Variants in DST observed in about 807,000 individuals in gnomAD.
DST encodes the protein bullous pemphigoid antigen.
Under a neutral mutation model 875.2 loss-of-function variants are expected in DST, and 253 were observed. The ratio of observed to expected loss-of-function variants is 0.29; its 90% CI spans 0.26 to 0.32. DST has a LOEUF of 0.32. DST is among the 10% of genes least tolerant of loss of function. The pLI is 1.00. For synonymous variants in DST, 3,124 were observed against 3,197.1 expected (o/e 0.98, Z 0.77); for missense variants, 8,287 against 9,111.6 (o/e 0.91, Z 3.68).
At chr6:56,947,133 G>A (rs1277740034) in intron 2 of DST, among the ~76,000 whole-genome samples, 1 of 151,942 alleles carries the variant, frequency 6.6e-6, no homozygotes, top group African/African-American at 2.4e-5. Context: ...CATTTTCCAA[G>A]GCCCTCTGCA....
intron 48 of DST, among the ~76,000 whole-genome samples, chr6:56,592,569 T>C (rs1354081249): frequency 6.6e-6 from 1 of 152,200 alleles, no homozygotes; most frequent in African/African-American, 2.4e-5. Context: ...AAAGAGATAG[T>C]TCTGGATTTA....
At chr6:56,699,512 G>T in intron 9 of DST, 141 bp downstream of exon 9, 1 of 532,006 alleles carries the variant, frequency 1.9e-6, no homozygotes. Flanking sequence ...TTGCTTAAAA[G>T]AACAATTCAA....
chr6:56,487,376 A>G, intron 86 of DST, 103 bp from the exon 87 acceptor site: 1 of 1,041,854 alleles, frequency 9.6e-7, no homozygotes, highest in Non-Finnish European at 1.3e-6. Context: ...TGAATTATAG[A>G]TGCTTTCTGA....
At chr6:56,675,668 A>G (rs149112613) in intron 9 of DST, among the ~76,000 whole-genome samples, 1,879 of 152,226 alleles carry the variant, frequency 0.012, 126 homozygotes, top group Admixed American at 0.11. Flanking sequence ...TCTGGCCAAC[A>G]TGGTGAAACC....
chr6:56,822,616 G>C (rs2099774366), intron 4 of DST, among the ~76,000 whole-genome samples: 1 of 151,962 alleles, frequency 6.6e-6, no homozygotes, highest in Admixed American at 6.6e-5. Flanking sequence ...AAAAGTAAAA[G>C]TTCACAGCAA....
intron 82 of DST, among the ~76,000 whole-genome samples, chr6:56,494,533 C>CGAA (rs1440529220): frequency 5.3e-5 from 8 of 152,080 alleles, no homozygotes; most frequent in African/African-American, 1.9e-4. Context: ...TCAATTCCTT[C>CGAA]CTCTGTAAAA....
At chr6:56,550,248 T>C (rs2097299457) in intron 61 of DST, among the ~76,000 whole-genome samples, 1 of 152,180 alleles carries the variant, frequency 6.6e-6, no homozygotes, top group African/African-American at 2.4e-5. Flanking sequence ...AAAACTTTTT[T>C]TTCAAGTCAC....
chr6:56,636,705 A>T, intron 22 of DST, 53 bp from the exon 23 acceptor site: 1 of 1,321,732 alleles, frequency 7.6e-7, no homozygotes, highest in Non-Finnish European at 1.1e-6. Flanking sequence ...TAAGGCACAC[A>T]TACCTTTTGA....
At chr6:56,526,775 C>A (rs1241942238) in intron 68 of DST, among the ~76,000 whole-genome samples, 1 of 149,008 alleles carries the variant, frequency 6.7e-6, no homozygotes, top group Non-Finnish European at 1.5e-5. Flanking sequence ...GTTCAAAGAA[C>A]AATTCATTTG....
intron 4 of DST, among the ~76,000 whole-genome samples, chr6:56,740,172 T>C (rs934582609): frequency 6.6e-6 from 1 of 152,164 alleles, no homozygotes; most frequent in Non-Finnish European, 1.5e-5. Flanking sequence ...CTGGCCTACT[T>C]TCTTAATAAA....
intron 13 of DST, 84 bp from the exon 14 acceptor site, chr6:56,646,266 A>G: frequency 1.4e-6 from 1 of 717,856 alleles, no homozygotes; most frequent in Non-Finnish European, 2.2e-6. Context: ...TTCAAGTGTT[A>G]TGTACTGTAT....
chr6:56,789,546 T>C (rs191426109), intron 4 of DST, among the ~76,000 whole-genome samples: 264 of 152,190 alleles, frequency 1.7e-3, no homozygotes, highest in African/African-American at 5.3e-3. Flanking sequence ...GTGCAATCAA[T>C]CTCTAGAAGT....
At chr6:56,707,907 C>G (rs1363407057) in intron 5 of DST, among the ~76,000 whole-genome samples, 1 of 152,158 alleles carries the variant, frequency 6.6e-6, no homozygotes, top group African/African-American at 2.4e-5. Context: ...TGGTGGCTCA[C>G]GCCTGTAATC....
intron 4 of DST, among the ~76,000 whole-genome samples, chr6:56,788,788 T>A (rs1179408101): frequency 6.6e-6 from 1 of 152,236 alleles, no homozygotes; most frequent in East Asian, 1.9e-4. Context: ...TACTGAGCAA[T>A]TATGATTGCT....
intron 61 of DST, chr6:56,541,524 A>G (rs2097126558): frequency 1.3e-5 from 2 of 153,296 alleles, no homozygotes; most frequent in Admixed American, 1.3e-4. Context: ...TTCCCTACAC[A>G]TGGGGGATTC....
Position 56,463,596 on chromosome 6 carries a change from G to A in DST, c.22928C>T (p.Ser7643Phe). 6.2e-7 allele frequency: 1 copy of A among 1,603,528 alleles called. No homozygotes were observed. The highest frequency in any genetic ancestry group is 8.5e-7 in the Non-Finnish European group (1 of 1,172,882). ...TGTGGTGGTGGCAGGGACCTGTGGG[G>A]AGGCCGCCTGCGCAGCCTGACTGGA... The part of the protein sequence containing the change: ...SVSSQAAQAA[S>F]PQVPATTTPK... Residue 7643 changes from serine to phenylalanine, a missense_variant, in exon 101 of 104, where the codon TCC becomes TTC. By Grantham distance (155) the Ser-to-Phe change is radical. This residue lies in a region of DST where 240 missense variants were observed against 237.3 expected (regional missense o/e 1.01). Transcript: ENST00000680361.
chr6:56,464,592 G>C, intron 100 of DST, 93 bp downstream of exon 100: 1 of 911,902 alleles, frequency 1.1e-6, no homozygotes, highest in Non-Finnish European at 1.7e-6. Flanking sequence ...GATGGATGAA[G>C]CATGTTATTT....
At chr6:56,648,735 A>G in intron 12 of DST, 46 bp from the exon 13 acceptor site, 2 of 1,476,464 alleles carry the variant, frequency 1.4e-6, no homozygotes, top group Non-Finnish European at 1.8e-6. Context: ...GTAGATAATA[A>G]CATTCATATC....
intron 2 of DST, among the ~76,000 whole-genome samples, chr6:56,912,682 A>C (rs1278909046): frequency 6.6e-6 from 1 of 152,226 alleles, no homozygotes; most frequent in Admixed American, 6.5e-5. Context: ...TCTGCTCCAC[A>C]GAGTCATTTA....
Sources: allele counts gnomAD v4.1 joint callset (sites outside exome capture counted in the v4.1 genomes callset), GRCh38; gene constraint gnomAD v4.1.1; regional missense constraint gnomAD v4.1.1; transcripts MANE v1.5; gene names NCBI Gene and HGNC (gene_info 2026-07-23, HGNC 2026-07-21).